Variants in COX16 observed in about 807,000 individuals in gnomAD.
COX16 encodes the protein cytochrome c oxidase assembly protein COX16 homolog, mitochondrial.
COX16 carries 12 observed loss-of-function variants against 15.4 expected under a neutral mutation model. The ratio of observed to expected loss-of-function variants is 0.78; its 90% CI spans 0.50 to 1.26. COX16 has a LOEUF of 1.26. Among genes scored for constraint, COX16 ranks in the 50% most tolerant of loss-of-function variants. The pLI, the probability that COX16 is intolerant of heterozygous loss-of-function variation, is 0.00. For missense variants in COX16, 124 were observed against 127.6 expected, an observed-to-expected ratio of 0.97 and a Z score of 0.14; for synonymous variants, 46 against 41.1, an observed-to-expected ratio of 1.12 and a Z score of -0.46.
intron 3 of COX16, among the ~76,000 whole-genome samples, chr14:70,327,487 T>A (rs1790778291): frequency 1.3e-5 from 2 of 152,168 alleles, no homozygotes; most frequent in African/African-American, 4.8e-5. Flanking sequence ...ACAGGATTTT[T>A]TTTTTTAATC....
At chr14:70,345,920 T>TCAGCTGCCATCTTCC (rs970569805) in intron 1 of COX16, among the ~76,000 whole-genome samples, 10 of 152,116 alleles carry the variant, frequency 6.6e-5, no homozygotes, top group East Asian at 1.9e-4. Flanking sequence ...CGTTGTCTTC[T>TCAGCTGCCATCTTCC]CAGCTGCCAT....
In COX16 at chr14:70,342,825, C is replaced by T. The variant is rs1886663578; in HGVS notation, c.70-96G>A. The T allele has an allele frequency of 3.5e-5, 45 of 1,286,854 alleles. No individual in the cohort carries two copies. In the South Asian group the frequency reaches 5.4e-4, roughly 15 times the overall value. 79.7% of individuals were successfully genotyped at this position (1,286,854 alleles called of 1,614,324 possible). A position where few individuals can be genotyped will look rare whatever the true frequency, so the allele number is the denominator to read the frequency against. ...GCTTTTCTAAACAACAATAGAGGCA[C>T]ATTATACAAAAATTCTATAGATTAT... On this transcript the variant is annotated intron_variant, in intron 1 of 3. Coordinates refer to ENST00000389912, the MANE Select transcript of COX16 (RefSeq NM_016468.7).
At chr14:70,342,535 A>G (rs1401064729) in intron 2 of COX16, 123 bp downstream of exon 2, 19 of 852,308 alleles carry the variant, frequency 2.2e-5, no homozygotes, top group Middle Eastern at 3.1e-4. Flanking sequence ...AAAAACAAAG[A>G]TCACATCTTA....
chr14:70,335,673 C>G (rs1473760144), intron 2 of COX16, among the ~76,000 whole-genome samples: 1 of 150,770 alleles, frequency 6.6e-6, no homozygotes, highest in Non-Finnish European at 1.5e-5. Flanking sequence ...ATGAACATAG[C>G]TATGTTCATT....
Position 70,341,266 on chromosome 14 carries a change from T to C in COX16, c.141+1392A>G, listed in dbSNP as rs999597049. Among the ~76,000 whole-genome samples the C allele has an allele frequency of 2.8e-4, 43 of 152,320 alleles. 1 individual carries two copies. Among genetic ancestry groups the C allele is most frequent in the Admixed American group, 1.6e-3 (24 of 15,304 alleles). On this transcript the variant is annotated intron_variant, in intron 2 of 3. Coordinates refer to ENST00000389912, the MANE Select transcript of COX16 (RefSeq NM_016468.7). ...TAAATAAAATTGTTCTAATCCTTCATAGAAAGTACACATTTTTTTAAATTT... is the reference window on the plus strand; with the variant it reads ...TAAATAAAATTGTTCTAATCCTTCACAGAAAGTACACATTTTTTTAAATTT...
In COX16 at chr14:70,354,829, AGTGTGTGTGTGCGTGTGT is replaced by A. The variant is rs1471846635; in HGVS notation, c.69+4672_69+4689del. On this transcript the variant is annotated intron_variant, in intron 1 of 3. Transcript: ENST00000389912. Reference sequence around the variant, plus strand: ...GAGTTTTGTGCAGGACTATGCATAGAGTGTGTGTGTGCGTGTGTGTGTGTGTGTGTGTGGTGTTTGAAT... The same window carrying A: ...GAGTTTTGTGCAGGACTATGCATAGAGTGTGTGTGTGTGTGGTGTTTGAAT... Among the ~76,000 whole-genome samples, 3 of 85,716 alleles carry A rather than the reference AGTGTGTGTGTGCGTGTGT, an allele frequency of 3.5e-5. No individual in the cohort carries two copies. In the Admixed American group the frequency reaches 3.7e-4, roughly 11 times the overall value. The allele number at this position is 85,716 out of a possible 152,430, so 56.2% of individuals were successfully genotyped here. A position where few individuals can be genotyped will look rare whatever the true frequency, so the allele number is the denominator to read the frequency against.
intron 2 of COX16, among the ~76,000 whole-genome samples, chr14:70,330,206 A>G (rs977254436): frequency 2.0e-5 from 3 of 152,216 alleles, no homozygotes; most frequent in African/African-American, 7.2e-5. Flanking sequence ...AAAGGTCAAC[A>G]GCACAAATTC....
intron 3 of COX16, 89 bp from the exon 4 acceptor site, chr14:70,326,538 G>A (rs1051397104): frequency 4.1e-6 from 4 of 974,582 alleles, no homozygotes; most frequent in Non-Finnish European, 4.2e-6. Flanking sequence ...GAATAAATGA[G>A]TAGAAAGTAT....
intron 1 of COX16, among the ~76,000 whole-genome samples, chr14:70,352,930 G>A (rs907244588): frequency 2.0e-5 from 3 of 151,866 alleles, no homozygotes; most frequent in East Asian, 1.9e-4. Context: ...CTCAGTATGT[G>A]GTAACCTTAA....
chr14:70,353,877 TA>T (rs1230445393), intron 1 of COX16, among the ~76,000 whole-genome samples: 1 of 152,090 alleles, frequency 6.6e-6, no homozygotes, highest in Non-Finnish European at 1.5e-5. Flanking sequence ...TTAAAAGGTA[TA>T]AAACATAAAT....
At chr14:70,336,772 C>T (rs1886469255) in intron 2 of COX16, among the ~76,000 whole-genome samples, 2 of 152,174 alleles carry the variant, frequency 1.3e-5, no homozygotes, top group African/African-American at 4.8e-5. Flanking sequence ...TAAAATCAAA[C>T]CTCTACCTAA....
chr14:70,334,566 G>A (rs936783717), intron 2 of COX16, among the ~76,000 whole-genome samples: 3 of 152,140 alleles, frequency 2.0e-5, no homozygotes, highest in African/African-American at 7.2e-5. Flanking sequence ...GGGGGAAAGA[G>A]AGTTAATGTG....
At chr14:70,330,863 A>G (rs1886263367) in intron 2 of COX16, among the ~76,000 whole-genome samples, 1 of 152,248 alleles carries the variant, frequency 6.6e-6, no homozygotes, top group Admixed American at 6.5e-5. Flanking sequence ...AAAAAAGAAA[A>G]AAATCAATTC....
At chr14:70,345,806 C>T (rs1305151166) in intron 1 of COX16, among the ~76,000 whole-genome samples, 1 of 152,078 alleles carries the variant, frequency 6.6e-6, no homozygotes, top group Non-Finnish European at 1.5e-5. Context: ...TTTCTCCTCC[C>T]GACCCTACCT....
intron 1 of COX16, among the ~76,000 whole-genome samples, chr14:70,352,402 G>T (rs60865527): frequency 0.028 from 4,310 of 152,032 alleles, 151 homozygotes; most frequent in East Asian, 0.18. Context: ...GCCCAGGCTG[G>T]TCTTGAACTC....
At position 70,342,726 on chromosome 14, in the gene COX16, G is replaced by A; in HGVS notation, c.73C>T (p.Leu25=). 1 of 1,612,320 alleles carries A rather than the reference G, an allele frequency of 6.2e-7. No individual in the cohort carries two copies. The highest frequency in any genetic ancestry group is 1.3e-5 in the African/African-American group (1 of 74,918). ...TLGYGVPMLL[L]IVGGSFGLRE... is the part of the protein sequence containing the mutation. ...AGACCAAAAGAACCTCCAACAATCA[G>A]CAACTAAAACAAAGAAAGGAAACAT... is the stretch of plus-strand genomic sequence containing the variant. Residue 25 remains leucine (L), a synonymous_variant, in exon 2 of 4, where the codon CTG becomes TTG. Coordinates refer to ENST00000389912, the MANE Select transcript of COX16 (RefSeq NM_016468.7).
intron 1 of COX16, among the ~76,000 whole-genome samples, chr14:70,349,778 C>A (rs1038935251): frequency 6.6e-6 from 1 of 152,204 alleles, no homozygotes; most frequent in Admixed American, 6.5e-5. Context: ...AGACTCTGAG[C>A]CCTTCAGGAA....
chr14:70,357,697 A>G (rs1887173340), intron 1 of COX16, among the ~76,000 whole-genome samples: 2 of 152,262 alleles, frequency 1.3e-5, no homozygotes, highest in African/African-American at 4.8e-5. Context: ...ACAATGAGGT[A>G]TCACTTCACA....
At chr14:70,334,926 A>G (rs893408132) in intron 2 of COX16, among the ~76,000 whole-genome samples, 6 of 152,228 alleles carry the variant, frequency 3.9e-5, no homozygotes, top group African/African-American at 1.4e-4. Context: ...GAATTAAAAT[A>G]TAACACCCAA....
Sources: allele counts gnomAD v4.1 joint callset (sites outside exome capture counted in the v4.1 genomes callset), GRCh38; gene constraint gnomAD v4.1.1; transcripts MANE v1.5; gene names NCBI Gene and HGNC (gene_info 2026-07-23, HGNC 2026-07-21).